CNTN5: variants seen among roughly 807,000 people sequenced by gnomAD.
CNTN5 encodes contactin 5, also known as contactin-5.
Under a neutral mutation model 129.1 loss-of-function variants are expected in CNTN5, and 77 were observed. The ratio of observed to expected loss-of-function variants is 0.60; its 90% confidence interval spans 0.50 to 0.72. The LOEUF (loss-of-function observed/expected upper bound fraction) is 0.72. Among genes scored for constraint, CNTN5 ranks in the 30% least tolerant of loss-of-function variants. The pLI is 0.00. For synonymous variants in CNTN5, 509 were observed against 465.6 expected, an observed-to-expected ratio of 1.09 and a Z score of -1.20; for missense variants, 1,478 against 1,328.8, an observed-to-expected ratio of 1.11 and a Z score of -1.75.
intron 8 of CNTN5, among the ~76,000 whole-genome samples, chr11:99,980,782 C>T (rs1041611550): frequency 6.6e-6 from 1 of 151,818 alleles, no homozygotes; most frequent in Non-Finnish European, 1.5e-5. Context: ...ATTTAGTCCT[C>T]TTATTATATA....
At chr11:99,787,252 C>G (rs1945564409) in intron 3 of CNTN5, among the ~76,000 whole-genome samples, 1 of 151,240 alleles carries the variant, frequency 6.6e-6, no homozygotes, top group South Asian at 2.1e-4. Flanking sequence ...TGTAAATGCA[C>G]TTTAGAAAGA....
intron 15 of CNTN5, among the ~76,000 whole-genome samples, chr11:100,223,930 A>G (rs1949318344): frequency 6.6e-6 from 1 of 152,156 alleles, no homozygotes; most frequent in African/African-American, 2.4e-5. Flanking sequence ...CAGCCATTTT[A>G]AAGTATAGGA....
intron 20 of CNTN5, among the ~76,000 whole-genome samples, chr11:100,306,876 T>C (rs981202181): frequency 6.6e-6 from 1 of 151,656 alleles, no homozygotes; most frequent in Admixed American, 6.6e-5. Flanking sequence ...ATGAGAAATT[T>C]CAACTTATAC....
chr11:99,958,187 CA>C (rs2136175978), intron 8 of CNTN5, among the ~76,000 whole-genome samples: 1 of 152,200 alleles, frequency 6.6e-6, no homozygotes, highest in South Asian at 2.1e-4. Context: ...TCAGGGGCTA[CA>C]AAAACTAATC....
At chr11:99,068,739 G>A (rs1865209861) in intron 1 of CNTN5, among the ~76,000 whole-genome samples, 1 of 152,152 alleles carries the variant, frequency 6.6e-6, no homozygotes. Flanking sequence ...AGACAAGGCA[G>A]AGAAACATTA....
At chr11:99,138,411 G>A (rs1859342129) in intron 1 of CNTN5, among the ~76,000 whole-genome samples, 2 of 152,108 alleles carry the variant, frequency 1.3e-5, no homozygotes, top group South Asian at 4.1e-4. Flanking sequence ...GTGGGAGTGA[G>A]TGATTTTTAA....
chr11:99,201,100 G>A (rs1331347022), intron 1 of CNTN5, among the ~76,000 whole-genome samples: 1 of 128,460 alleles, frequency 7.8e-6, no homozygotes, highest in Non-Finnish European at 1.6e-5. Flanking sequence ...TCTCAGCTCA[G>A]TGCAACCTCT....
chr11:99,247,551 G>A (rs1158797899), intron 1 of CNTN5, among the ~76,000 whole-genome samples: 1 of 151,906 alleles, frequency 6.6e-6, no homozygotes, highest in African/African-American at 2.4e-5. Flanking sequence ...ATGTTGTTGT[G>A]TTGCACCCAT....
At chr11:99,317,918 C>T (rs1468372042) in intron 1 of CNTN5, among the ~76,000 whole-genome samples, 2 of 151,986 alleles carry the variant, frequency 1.3e-5, no homozygotes, top group Non-Finnish European at 2.9e-5. Context: ...AATTTTATAA[C>T]AACTGGGTTG....
chr11:99,751,075 G>A (rs1338307001), intron 3 of CNTN5, among the ~76,000 whole-genome samples: 2 of 152,180 alleles, frequency 1.3e-5, no homozygotes, highest in East Asian at 1.9e-4. Context: ...AGTGGCTCAC[G>A]CCTATGATCC....
At chr11:99,257,705 T>C (rs1461136636) in intron 1 of CNTN5, among the ~76,000 whole-genome samples, 1 of 152,116 alleles carries the variant, frequency 6.6e-6, no homozygotes, top group Non-Finnish European at 1.5e-5. Flanking sequence ...GACTGTCTTC[T>C]AATGTGTATG....
chr11:100,286,815 G>C (rs1162212345), intron 18 of CNTN5, among the ~76,000 whole-genome samples: 5 of 149,762 alleles, frequency 3.3e-5, no homozygotes, highest in Non-Finnish European at 7.4e-5. Flanking sequence ...TCTGAGCTAC[G>C]GGAGGACATT....
At chr11:99,853,785 C>G (rs1201448515) in intron 6 of CNTN5, among the ~76,000 whole-genome samples, 1 of 152,000 alleles carries the variant, frequency 6.6e-6, no homozygotes, top group Non-Finnish European at 1.5e-5. Context: ...CTTTAATCCT[C>G]ACATCAATTT....
chr11:100,188,693 A>C (rs1221733831), intron 13 of CNTN5, among the ~76,000 whole-genome samples: 1 of 152,172 alleles, frequency 6.6e-6, no homozygotes, highest in Non-Finnish European at 1.5e-5. Context: ...TTCCTCAGAG[A>C]ACTTAAACTG....
intron 1 of CNTN5, among the ~76,000 whole-genome samples, chr11:99,208,908 T>G (rs1859620022): frequency 6.6e-6 from 1 of 152,136 alleles, no homozygotes; most frequent in Non-Finnish European, 1.5e-5. Context: ...ACTGTTTATA[T>G]TATAGAAATT....
At chr11:99,915,006 A>G (rs996436102) in intron 6 of CNTN5, among the ~76,000 whole-genome samples, 9 of 152,118 alleles carry the variant, frequency 5.9e-5, no homozygotes, top group Non-Finnish European at 1.2e-4. Flanking sequence ...GCTACAAAGC[A>G]TATTATTTTA....
In CNTN5 at chr11:99,460,522, T is replaced by C. The variant is rs79850312; in HGVS notation, c.-70-95623T>C. ...TACTACAAGGAATAATTCATTTTTT[T>C]ACAAAGTTTAAACTTTAAATCAGGA... On this transcript the variant is annotated intron_variant, in intron 2 of 24. Transcript: ENST00000524871. Among the ~76,000 whole-genome samples the C allele has an allele frequency of 6.8e-3, 1,040 of 152,112 alleles. 17 individuals carry two copies. Among genetic ancestry groups the C allele is most frequent in the African/African-American group, 0.023 (965 of 41,534 alleles).
chr11:99,862,032 C>A (rs193002301), intron 6 of CNTN5, among the ~76,000 whole-genome samples: 10 of 152,190 alleles, frequency 6.6e-5, no homozygotes, highest in Admixed American at 1.3e-4. Context: ...AATTTATAAT[C>A]TTAATCTAAT....
intron 1 of CNTN5, among the ~76,000 whole-genome samples, chr11:99,221,862 G>A (rs550179567): frequency 7.2e-5 from 11 of 151,904 alleles, no homozygotes; most frequent in Admixed American, 5.9e-4. Context: ...CATATATACA[G>A]CACAAGATTC....
Sources: gnomAD v4.1 joint callset for allele counts (sites outside exome capture counted in the v4.1 genomes callset) on GRCh38, gnomAD v4.1.1 for gene constraint, MANE v1.5 for transcripts, NCBI Gene and HGNC (gene_info 2026-07-23, HGNC 2026-07-21) for gene names.